The following CCDC180 variants were observed in gnomAD, a reference collection of about 807,000 sequenced individuals.
The protein encoded by CCDC180 is coiled-coil domain containing 180.
CCDC180 carries 154 observed loss-of-function variants against 209.2 expected under a neutral mutation model. The ratio of observed to expected loss-of-function variants is 0.74; its 90% CI spans 0.65 to 0.84. CCDC180 has a LOEUF of 0.84. Among genes scored for constraint, CCDC180 ranks in the 40% least tolerant of loss-of-function variants. The probability of loss-of-function intolerance (pLI) is 0.00; values close to 1 mark genes in which losing one functional copy is unlikely to be tolerated. For missense variants in CCDC180, 1,874 were observed against 1,997.3 expected (o/e 0.94, Z 1.18); for synonymous variants, 778 against 749.1 (o/e 1.04, Z -0.63).
intron 18 of CCDC180, among the ~76,000 whole-genome samples, chr9:97,337,001 G>A (rs569185643): frequency 1.6e-4 from 24 of 152,270 alleles, no homozygotes; most frequent in African/African-American, 5.8e-4. Flanking sequence ...TGTGATTTTT[G>A]TACATTGATT....
rs540538354 is a variant in CCDC180, at chr9:97,369,960, C to T, written c.4228C>T (p.Pro1410Ser). Residue 1410 changes from proline (P) to serine (S), a missense_variant, in exon 32 of 37, where the codon CCC becomes TCC. Coordinates refer to ENST00000529487, the MANE Select transcript of CCDC180 (RefSeq NM_020893.6). ...IQIRRFEELLPQVCWLVMENF... is the reference protein window; with the variant it reads ...IQIRRFEELLSQVCWLVMENF... ...GATCAGGAGATTTGAGGAGCTGCTG[C>T]CCCAAGTGTGTTGGCTGGTGATGGA... 439 of 1,614,190 alleles carry T rather than the reference C, an allele frequency of 2.7e-4. 6 individuals carry two copies. The South Asian group carries it at 4.6e-3, about 17-fold the overall frequency.
intron 15 of CCDC180, among the ~76,000 whole-genome samples, chr9:97,327,642 A>G (rs1055002558): frequency 1.3e-5 from 2 of 152,160 alleles, no homozygotes; most frequent in African/African-American, 4.8e-5. Context: ...GCAAGTACGT[A>G]ACCCTATGAG....
At chr9:97,354,069 C>T (rs1826497565) in intron 22 of CCDC180, among the ~76,000 whole-genome samples, 1 of 150,118 alleles carries the variant, frequency 6.7e-6, no homozygotes, top group African/African-American at 2.5e-5. Flanking sequence ...GCAATCTCGG[C>T]TCACTGCAAC....
At chr9:97,368,501 G>A (rs566645805) in intron 31 of CCDC180, among the ~76,000 whole-genome samples, 3 of 152,240 alleles carry the variant, frequency 2.0e-5, no homozygotes, top group South Asian at 4.1e-4. Flanking sequence ...CCCTCCATAA[G>A]ACAGAAGGAA....
At chr9:97,327,661 T>C (rs1243317147) in intron 15 of CCDC180, among the ~76,000 whole-genome samples, 2 of 152,202 alleles carry the variant, frequency 1.3e-5, no homozygotes, top group East Asian at 3.9e-4. Flanking sequence ...AGCCTTGGTC[T>C]ACTTCTCTGA....
At chr9:97,322,984 T>G (rs760915877) in intron 12 of CCDC180, 63 bp downstream of exon 12, 54 of 1,343,772 alleles carry the variant, frequency 4.0e-5, no homozygotes, top group Non-Finnish European at 5.5e-5. Context: ...GTGCCTTCCC[T>G]GGCCCCATAC....
chr9:97,365,551 G>A, intron 29 of CCDC180, 122 bp from the exon 30 acceptor site: 1 of 811,198 alleles, frequency 1.2e-6, no homozygotes, highest in Non-Finnish European at 2.2e-6. Flanking sequence ...GGGCAGCAGT[G>A]AGTAATTTCA....
chr9:97,332,956 G>C (rs1825794530), intron 18 of CCDC180, among the ~76,000 whole-genome samples: 1 of 152,122 alleles, frequency 6.6e-6, no homozygotes. Flanking sequence ...TGGTTTTCAA[G>C]GGGAATGCTT....
Position 97,330,310 on chromosome 9 carries a change from T to C in CCDC180, c.1829-12T>C, listed in dbSNP as rs778891466. Reference sequence around the variant, plus strand: ...TTGTCTCTCCTTGTGCTTTGGTGTTTATCATCAACAGAAGCACATGAAAAA... The same window carrying C: ...TTGTCTCTCCTTGTGCTTTGGTGTTCATCATCAACAGAAGCACATGAAAAA... On this transcript the variant is annotated splice_polypyrimidine_tract_variant and intron_variant, in intron 17 of 36. Coordinates refer to ENST00000529487, the MANE Select transcript of CCDC180 (RefSeq NM_020893.6). 1.7e-5 allele frequency: 27 copies of C among 1,612,714 alleles called. No homozygotes were observed. Among genetic ancestry groups the C allele is most frequent in the Non-Finnish European group, 2.3e-5 (27 of 1,179,364 alleles).
chr9:97,356,892 T>A (rs1266916811), intron 24 of CCDC180, among the ~76,000 whole-genome samples: 3 of 152,248 alleles, frequency 2.0e-5, no homozygotes, highest in African/African-American at 7.2e-5. Flanking sequence ...TTTTGAGTAT[T>A]TTTCCTATAC....
intron 27 of CCDC180, 26 bp from the exon 28 acceptor site, chr9:97,362,170 G>A (rs1377734412): frequency 6.2e-6 from 10 of 1,601,804 alleles, no homozygotes; most frequent in Non-Finnish European, 8.5e-6. Flanking sequence ...CCGGAGAAGA[G>A]CTCACACCCT....
intron 18 of CCDC180, among the ~76,000 whole-genome samples, chr9:97,333,793 G>A (rs1020054112): frequency 1.3e-5 from 2 of 151,380 alleles, no homozygotes; most frequent in Admixed American, 1.3e-4. Context: ...TCTTTACTCA[G>A]AGTAATGCTT....
chr9:97,343,639 AAG>A, intron 19 of CCDC180, 76 bp downstream of exon 19: 1 of 1,128,242 alleles, frequency 8.9e-7, no homozygotes, highest in Non-Finnish European at 1.3e-6. Context: ...AAAAAAAAAA[AAG>A]GATTGGGCTG....
chr9:97,376,722 G>A (rs1403847292), intron 36 of CCDC180, 41 bp from the exon 37 acceptor site: 4 of 1,599,776 alleles, frequency 2.5e-6, no homozygotes, highest in Non-Finnish European at 2.6e-6. Flanking sequence ...GGGTCCAGAT[G>A]TCTCTCCTCA....
chr9:97,365,783 G>T (rs1424535798), intron 30 of CCDC180, 44 bp downstream of exon 30: 2 of 1,567,976 alleles, frequency 1.3e-6, no homozygotes, highest in South Asian at 1.1e-5. Flanking sequence ...TGGAAACCAC[G>T]CCTGCCTTCT....
At position 97,361,875 on chromosome 9, in the gene CCDC180, G is replaced by A. The variant is rs1294277142; in HGVS notation, c.3633G>A (p.Val1211=). The change falls in exon 27 of 37, where the codon GTG becomes GTA. Residue 1211 remains valine, a synonymous_variant. Transcript: ENST00000529487. ...VGKPLIEDPA[V]DVIRKLLQLP... ...AGCCCCTGATTGAGGACCCAGCTGT[G>A]GATGTGATCAGGAAGCTCCTGCAGT... 17 of 1,614,014 alleles carry A rather than the reference G, an allele frequency of 1.1e-5. No individual in the cohort carries two copies. The highest frequency in any genetic ancestry group is 1.4e-5 in the Non-Finnish European group (16 of 1,180,030).
At chr9:97,333,678 G>A (rs529241316) in intron 18 of CCDC180, among the ~76,000 whole-genome samples, 1 of 151,822 alleles carries the variant, frequency 6.6e-6, no homozygotes, top group Admixed American at 6.5e-5. Context: ...TGTGCAAAGA[G>A]GTGTTCATAG....
chr9:97,331,986 G>C (rs922990038), intron 18 of CCDC180, among the ~76,000 whole-genome samples: 1 of 152,192 alleles, frequency 6.6e-6, no homozygotes, highest in Non-Finnish European at 1.5e-5. Flanking sequence ...CCTATGTCCA[G>C]AATGGTATTT....
chr9:97,363,129 C>G (rs1826814557), intron 28 of CCDC180, among the ~76,000 whole-genome samples: 1 of 152,234 alleles, frequency 6.6e-6, no homozygotes, highest in South Asian at 2.1e-4. Context: ...TTGGGGGCTG[C>G]TGTCATGAGG....
Sources: allele counts gnomAD v4.1 joint callset (sites outside exome capture counted in the v4.1 genomes callset), GRCh38; gene constraint gnomAD v4.1.1; transcripts MANE v1.5; gene names NCBI Gene and HGNC (gene_info 2026-07-23, HGNC 2026-07-21).